EIPR1: variants seen among roughly 807,000 people sequenced by gnomAD.
The protein encoded by EIPR1 is EARP and GARP complex-interacting protein 1.
Under a neutral mutation model 48.1 loss-of-function variants are expected in EIPR1, and 25 were observed. The ratio of observed to expected loss-of-function variants is 0.52; its 90% CI spans 0.38 to 0.73. The LOEUF is 0.73. EIPR1 is among the 30% of genes least tolerant of loss of function. The pLI, the probability that EIPR1 is intolerant of heterozygous loss-of-function variation, is 0.00. For synonymous variants in EIPR1, 204 were observed against 201.9 expected (o/e 1.01, Z -0.09); for missense variants, 415 against 506.2 (o/e 0.82, Z 1.73).
At chr2:3,324,494 C>T (rs1669631903) in intron 3 of EIPR1, among the ~76,000 whole-genome samples, 2 of 152,248 alleles carry the variant, frequency 1.3e-5, no homozygotes, top group Admixed American at 6.5e-5. Flanking sequence ...CACATACGGG[C>T]CCTGCAGCTT....
At chr2:3,264,911 T>C (rs899586706) in intron 3 of EIPR1, among the ~76,000 whole-genome samples, 1 of 152,134 alleles carries the variant, frequency 6.6e-6, no homozygotes, top group African/African-American at 2.4e-5. Flanking sequence ...GGTCTCGAAC[T>C]CCTGACCTTG....
intron 3 of EIPR1, among the ~76,000 whole-genome samples, chr2:3,270,016 G>A (rs1373368392): frequency 6.6e-6 from 1 of 152,212 alleles, no homozygotes; most frequent in East Asian, 1.9e-4. Context: ...GACAACAACT[G>A]GTAAGGAGAA....
intron 2 of EIPR1, chr2:3,353,352 C>CTT: frequency 2.1e-6 from 1 of 469,012 alleles, no homozygotes; most frequent in Non-Finnish European, 4.4e-6. Context: ...GTGCACTTTG[C>CTT]TTTTTTACAC....
intron 3 of EIPR1, among the ~76,000 whole-genome samples, chr2:3,313,078 G>A (rs1330263534): frequency 6.6e-6 from 1 of 152,158 alleles, no homozygotes; most frequent in Non-Finnish European, 1.5e-5. Flanking sequence ...CAGCCTCAAG[G>A]AGACCCAGTG....
intron 2 of EIPR1, among the ~76,000 whole-genome samples, chr2:3,354,158 T>G (rs539121896): frequency 5.3e-5 from 8 of 152,184 alleles, no homozygotes; most frequent in African/African-American, 1.7e-4. Context: ...CTGGGTCAAG[T>G]AGGGATGAGG....
At chr2:3,377,603 C>G (rs780963732) in intron 1 of EIPR1, 45 bp downstream of exon 1, 1 of 1,555,312 alleles carries the variant, frequency 6.4e-7, no homozygotes, top group Non-Finnish European at 8.7e-7. Flanking sequence ...CGCATGCTAT[C>G]AACAGCCAGG....
intron 5 of EIPR1, among the ~76,000 whole-genome samples, chr2:3,206,249 G>A (rs925810589): frequency 6.6e-6 from 1 of 152,210 alleles, no homozygotes; most frequent in Non-Finnish European, 1.5e-5. Context: ...GGAGCTGGTA[G>A]CACCAGGGGA....
chr2:3,342,570 A>G (rs542130327), intron 2 of EIPR1, among the ~76,000 whole-genome samples: 1 of 152,346 alleles, frequency 6.6e-6, no homozygotes, highest in South Asian at 2.1e-4. Context: ...CCTCTCTCCC[A>G]GTCTCCTGCC....
At chr2:3,289,958 G>T (rs998510952) in intron 3 of EIPR1, among the ~76,000 whole-genome samples, 3 of 152,224 alleles carry the variant, frequency 2.0e-5, no homozygotes, top group Non-Finnish European at 2.9e-5. Flanking sequence ...TGCCACGGTC[G>T]CTCACAGAAC....
In EIPR1 at chr2:3,222,150, ACT is replaced by A. The variant is rs1298355473; in HGVS notation, c.417-7904_417-7903del. Among the ~76,000 whole-genome samples the A allele has an allele frequency of 3.9e-5, 6 of 152,100 alleles. No individual in the cohort carries two copies. The South Asian group carries it at 1.0e-3, about 26-fold the overall frequency. ...AAGAGCAGCATGTGCTCTAAAAGAC[ACT>A]CTCCCTGCAGACATATCACTGCAAC... is the stretch of plus-strand genomic sequence containing the variant. On this transcript the variant is annotated intron_variant, in intron 4 of 8. Coordinates refer to ENST00000382125, the MANE Select transcript of EIPR1 (RefSeq NM_003310.5).
chr2:3,347,322 T>C (rs11686347), intron 2 of EIPR1, among the ~76,000 whole-genome samples: 8 of 152,204 alleles, frequency 5.3e-5, no homozygotes, highest in Non-Finnish European at 1.0e-4. Flanking sequence ...TGAATTCCCA[T>C]GTGTTGTGGG....
In EIPR1 at chr2:3,357,933, G is replaced by C. The variant is rs532213507; in HGVS notation, c.43-3300C>G. Among the ~76,000 whole-genome samples, 3 of 152,270 alleles carry C rather than the reference G, an allele frequency of 2.0e-5. No homozygotes were observed. In the South Asian group the frequency reaches 6.2e-4, roughly 32 times the overall value. ...CTACTTATGTCTTGACTTTAGCCCA[G>C]GGAGATTCATTTTGGGTTTCTGACT... On this transcript the variant is annotated intron_variant, in intron 1 of 8. Transcript: ENST00000382125.
At chr2:3,294,846 C>T (rs1558279638) in intron 3 of EIPR1, among the ~76,000 whole-genome samples, 1 of 130,510 alleles carries the variant, frequency 7.7e-6, no homozygotes. Flanking sequence ...CATCCTCTCT[C>T]CACATACCCT....
intron 1 of EIPR1, among the ~76,000 whole-genome samples, chr2:3,360,899 A>G (rs1670836220): frequency 6.6e-6 from 1 of 150,820 alleles, no homozygotes; most frequent in African/African-American, 2.4e-5. Context: ...ACCCTCAGGA[A>G]GAGGAAAGTA....
chr2:3,254,746 C>T (rs1423973266), intron 4 of EIPR1, among the ~76,000 whole-genome samples: 21 of 152,158 alleles, frequency 1.4e-4, no homozygotes, highest in Non-Finnish European at 8.8e-5. Context: ...TAACATAGCA[C>T]AAGGGACCCA....
chr2:3,225,426 TG>T (rs933880627), intron 4 of EIPR1, among the ~76,000 whole-genome samples: 1 of 152,168 alleles, frequency 6.6e-6, no homozygotes, highest in African/African-American at 2.4e-5. Flanking sequence ...TTAAATTTTT[TG>T]TAAAGACAAG....
chr2:3,341,088 C>T lies in EIPR1; in HGVS notation c.127-2939G>A, dbSNP rs187542790. On this transcript the variant is annotated intron_variant, in intron 2 of 8. Transcript: ENST00000382125. ...TCCAGCCTGGGTGACAGAGTGAGATCCTGTCTCAAAAAAAAAAAAAAAAAA... is the reference window on the plus strand; with the variant it reads ...TCCAGCCTGGGTGACAGAGTGAGATTCTGTCTCAAAAAAAAAAAAAAAAAA... Among the ~76,000 whole-genome samples, 432 of 99,192 alleles carry T rather than the reference C, an allele frequency of 4.4e-3. 4 individuals carry two copies. The highest frequency in any genetic ancestry group is 0.016 in the African/African-American group (394 of 24,190). 65.1% of individuals were successfully genotyped at this position (99,192 alleles called of 152,430 possible).
At chr2:3,263,493 C>A (rs1381656706) in intron 3 of EIPR1, among the ~76,000 whole-genome samples, 1 of 152,184 alleles carries the variant, frequency 6.6e-6, no homozygotes, top group Non-Finnish European at 1.5e-5. Context: ...ACGGCCCCAC[C>A]ACTACAAATA....
chr2:3,225,828 C>T (rs1228378652), intron 4 of EIPR1, among the ~76,000 whole-genome samples: 1 of 152,194 alleles, frequency 6.6e-6, no homozygotes, highest in Non-Finnish European at 1.5e-5. Flanking sequence ...CTGGTAACCA[C>T]CATTGTACTC....
Sources: allele counts gnomAD v4.1 joint callset (sites outside exome capture counted in the v4.1 genomes callset), GRCh38; gene constraint gnomAD v4.1.1; transcripts MANE v1.5; gene names NCBI Gene and HGNC (gene_info 2026-07-23, HGNC 2026-07-21).